The following FNDC3A variants were observed in gnomAD, a reference collection of about 807,000 sequenced individuals.
The protein encoded by FNDC3A is fibronectin type-III domain-containing protein 3A.
In FNDC3A, 32 loss-of-function variants were observed where a neutral mutation model predicts 148.9. The observed-to-expected ratio is 0.21, with a 90% CI of 0.16 to 0.29. The LOEUF is 0.29. Among genes scored for constraint, FNDC3A ranks in the 10% least tolerant of loss-of-function variants. The pLI is 1.00. For synonymous variants in FNDC3A, 472 were observed against 473.6 expected (o/e 1.00, Z 0.04); for missense variants, 1,191 against 1,452.8 (o/e 0.82, Z 2.93).
At chr13:49,144,922 G>A (rs918793161) in intron 7 of FNDC3A, among the ~76,000 whole-genome samples, 4 of 152,016 alleles carry the variant, frequency 2.6e-5, no homozygotes, top group Non-Finnish European at 4.4e-5. Context: ...AGATGTTAGC[G>A]CATGTATGTC....
At chr13:49,044,718 G>T in intron 2 of FNDC3A, 1 of 299,870 alleles carries the variant, frequency 3.3e-6, no homozygotes, top group South Asian at 3.7e-5. Context: ...CATTTGAATG[G>T]TTAACAGAAC....
chr13:49,074,765 T>C (rs551626719), intron 2 of FNDC3A, among the ~76,000 whole-genome samples: 3 of 152,296 alleles, frequency 2.0e-5, no homozygotes, highest in East Asian at 1.9e-4. Flanking sequence ...TTAGTTTTTT[T>C]CCCCAGTTTC....
chr13:49,082,247 G>T (rs1253861776), intron 3 of FNDC3A, among the ~76,000 whole-genome samples: 1 of 151,944 alleles, frequency 6.6e-6, no homozygotes, highest in Non-Finnish European at 1.5e-5. Flanking sequence ...TTAGCTGGAT[G>T]TGGTGGCGCA....
intron 14 of FNDC3A, among the ~76,000 whole-genome samples, chr13:49,181,637 A>G (rs1885309142): frequency 1.3e-5 from 2 of 152,138 alleles, no homozygotes; most frequent in Admixed American, 1.3e-4. Context: ...ATTAAATCCT[A>G]TTGTTGTGTC....
intron 7 of FNDC3A, among the ~76,000 whole-genome samples, chr13:49,143,850 A>T (rs1210144518): frequency 6.6e-6 from 1 of 152,102 alleles, no homozygotes; most frequent in East Asian, 1.9e-4. Context: ...CAAGCTTCAT[A>T]AAGTAGGTGC....
intron 17 of FNDC3A, 94 bp downstream of exon 17, chr13:49,188,727 C>CA: frequency 1.3e-6 from 1 of 782,782 alleles, no homozygotes; most frequent in Non-Finnish European, 2.2e-6. Context: ...GAAACATATC[C>CA]ACAAATGGAG....
rs1424915883 is a variant in FNDC3A, at chr13:48,976,068, G to C, written c.-149G>C. ...CAACAGTCAGCGCGCCGGCGGCCGC[G>C]GCGGCCCTGAGAGCTGACTCTGCAG... On this transcript the variant is annotated 5_prime_UTR_variant, in exon 1 of 26. Transcript: ENST00000492622. The C allele has an allele frequency of 6.5e-6, 1 of 152,672 alleles. No individual in the cohort carries two copies. The highest frequency in any genetic ancestry group is 6.5e-5 in the Admixed American group (1 of 15,296). The allele number at this position is 152,672 out of a possible 1,614,324, so 9.5% of individuals were successfully genotyped here.
In FNDC3A at chr13:49,075,365, GT is replaced by G; in HGVS notation, c.175+2del. On this transcript the variant is annotated splice_donor_variant, in intron 3 of 25. Coordinates refer to ENST00000492622, the MANE Select transcript of FNDC3A (RefSeq NM_001079673.2). LOFTEE classifies it high-confidence loss of function. ...GATGGACAGTTTCAGTGCATTACAG[GT>G]AAGAATGGTAATTGAGAATAATCAT... 6.5e-7 allele frequency: 1 copy of G among 1,549,638 alleles called. No individual in the cohort carries two copies. Among genetic ancestry groups the G allele is most frequent in the Non-Finnish European group, 8.9e-7 (1 of 1,124,316 alleles).
chr13:48,986,399 T>TTTG (rs1566174606), intron 1 of FNDC3A, among the ~76,000 whole-genome samples: 1 of 119,556 alleles, frequency 8.4e-6, no homozygotes, highest in Non-Finnish European at 1.7e-5. Context: ...TTTTTTTTTT[T>TTTG]TTTTTTTTTT....
chr13:49,088,878 G>A (rs1043516009), intron 3 of FNDC3A, among the ~76,000 whole-genome samples: 3 of 152,042 alleles, frequency 2.0e-5, no homozygotes, highest in African/African-American at 7.2e-5. Flanking sequence ...GTTTTCTGAT[G>A]TGTATTAAAA....
chr13:49,201,711 T>C (rs535491394), intron 23 of FNDC3A, 89 bp from the exon 24 acceptor site: 1 of 597,470 alleles, frequency 1.7e-6, no homozygotes, highest in Admixed American at 3.7e-5. Context: ...ATAATGTTCA[T>C]AACTGTGTTT....
In FNDC3A at chr13:49,132,376, C is replaced by G. The variant is rs535374955; in HGVS notation, c.490+1002C>G. ...TTAGAATAAAATCCTAAACCCTTCC[C>G]CTAGACTAGGGTTTCTCAAACATGC... On this transcript the variant is annotated intron_variant, in intron 5 of 25. Transcript: ENST00000492622. Among the ~76,000 whole-genome samples the G allele has an allele frequency of 7.2e-5, 11 of 152,256 alleles. 1 individual carries two copies. Among genetic ancestry groups the G allele is most frequent in the Admixed American group, 7.2e-4 (11 of 15,296 alleles).
chr13:49,018,363 C>T (rs965824455), intron 2 of FNDC3A, among the ~76,000 whole-genome samples: 13 of 152,136 alleles, frequency 8.5e-5, no homozygotes, highest in East Asian at 5.8e-4. Flanking sequence ...CATCTTCCAT[C>T]GCTGATACCC....
At chr13:49,168,776 C>G in intron 10 of FNDC3A, 25 bp downstream of exon 10, 1 of 1,603,532 alleles carries the variant, frequency 6.2e-7, no homozygotes, top group Non-Finnish European at 8.5e-7. Flanking sequence ...TAGGGTGTTT[C>G]CAACTGGACA....
intron 14 of FNDC3A, among the ~76,000 whole-genome samples, chr13:49,181,910 C>G (rs532038525): frequency 6.0e-4 from 91 of 151,980 alleles, no homozygotes; most frequent in South Asian, 1.9e-3. Flanking sequence ...CTGGGATAAC[C>G]AAAATACTAA....
At chr13:49,193,470 C>T (rs1885993442) in intron 19 of FNDC3A, among the ~76,000 whole-genome samples, 1 of 152,100 alleles carries the variant, frequency 6.6e-6, no homozygotes, top group East Asian at 1.9e-4. Flanking sequence ...TTATGTTTCC[C>T]AGGTTGGTCT....
intron 2 of FNDC3A, among the ~76,000 whole-genome samples, chr13:49,045,272 GTC>G (rs1875302824): frequency 6.6e-6 from 1 of 151,892 alleles, no homozygotes. Flanking sequence ...TTCTGCCTCA[GTC>G]TCCCGAGTAG....
chr13:49,158,024 T>C (rs4941634), intron 8 of FNDC3A, among the ~76,000 whole-genome samples: 151,747 of 151,838 alleles, frequency 1, 75,829 homozygotes, highest in Middle Eastern at 1. Context: ...GCAGGCAGGC[T>C]TCCTGGAGCT....
At chr13:49,000,155 G>T (rs1426192948) in intron 1 of FNDC3A, among the ~76,000 whole-genome samples, 1 of 152,104 alleles carries the variant, frequency 6.6e-6, no homozygotes, top group Non-Finnish European at 1.5e-5. Flanking sequence ...AGAAATAATT[G>T]CCAAATCTAA....
Sources: gnomAD v4.1 joint callset for allele counts (sites outside exome capture counted in the v4.1 genomes callset) on GRCh38, gnomAD v4.1.1 for gene constraint, MANE v1.5 for transcripts, NCBI Gene and HGNC (gene_info 2026-07-23, HGNC 2026-07-21) for gene names.